Variants in SLCO6A1 observed in about 807,000 individuals in gnomAD.
SLCO6A1 encodes the protein cancer/testis antigen 48.
SLCO6A1 carries 65 observed loss-of-function variants against 72.7 expected under a neutral mutation model. The observed-to-expected ratio is 0.89, with a 90% CI of 0.73 to 1.10. The LOEUF (loss-of-function observed/expected upper bound fraction) is 1.10, where lower values mean the gene tolerates loss of function less well. Among genes scored for constraint, SLCO6A1 ranks in the 50% least tolerant of loss-of-function variants. The pLI is 0.00. For missense variants in SLCO6A1, 874 were observed against 872.6 expected, an observed-to-expected ratio of 1.00 and a Z score of -0.02; for synonymous variants, 314 against 298.2, an observed-to-expected ratio of 1.05 and a Z score of -0.55.
intron 5 of SLCO6A1, 122 bp from the exon 6 acceptor site, chr5:102,458,613 A>G: frequency 1.6e-6 from 1 of 619,204 alleles, no homozygotes; most frequent in Non-Finnish European, 2.8e-6. Context: ...GTTATTTTTG[A>G]ACAAGCTAAA....
chr5:102,442,922 G>A (rs1042703914), intron 6 of SLCO6A1, among the ~76,000 whole-genome samples: 2 of 152,152 alleles, frequency 1.3e-5, no homozygotes, highest in Admixed American at 6.6e-5. Context: ...ATTAGGCTGG[G>A]TGCAGTGGCT....
At chr5:102,373,188 G>T in intron 13 of SLCO6A1, 149 bp downstream of exon 13, 1 of 380,244 alleles carries the variant, frequency 2.6e-6, no homozygotes, top group Non-Finnish European at 4.0e-6. Context: ...TTTAAACACA[G>T]ACTATATTAT....
chr5:102,406,449 C>T (rs932695870), intron 9 of SLCO6A1, among the ~76,000 whole-genome samples: 1 of 151,830 alleles, frequency 6.6e-6, no homozygotes, highest in Non-Finnish European at 1.5e-5. Context: ...GGCATATACA[C>T]GTTAATACAC....
chr5:102,417,551 A>T (rs1348140805), intron 8 of SLCO6A1, among the ~76,000 whole-genome samples: 2 of 152,106 alleles, frequency 1.3e-5, no homozygotes, highest in Non-Finnish European at 2.9e-5. Context: ...TTTTAACTTA[A>T]CACAGTCTAC....
At chr5:102,374,705 T>C (rs934973240) in intron 12 of SLCO6A1, among the ~76,000 whole-genome samples, 1 of 152,230 alleles carries the variant, frequency 6.6e-6, no homozygotes, top group Non-Finnish European at 1.5e-5. Context: ...GGTAGTTATA[T>C]CTGACATAGT....
At chr5:102,434,726 G>A (rs1454373279) in intron 7 of SLCO6A1, among the ~76,000 whole-genome samples, 1 of 152,084 alleles carries the variant, frequency 6.6e-6, no homozygotes, top group Non-Finnish European at 1.5e-5. Flanking sequence ...AAGTACCATA[G>A]GTCTTATCAA....
At position 102,387,339 on chromosome 5, in the gene SLCO6A1, C is replaced by T. The variant is rs190713465; in HGVS notation, c.2017+1349G>A. On this transcript the variant is annotated intron_variant, in intron 12 of 13. Transcript: ENST00000506729. ...ATAATTATTTATGTTTTTAATTATT[C>T]GTATCTCCTTTCAATAGCTCCCTAC... Among the ~76,000 whole-genome samples the T allele has an allele frequency of 2.8e-3, 422 of 152,190 alleles. 2 individuals carry two copies. Among genetic ancestry groups the T allele is most frequent in the African/African-American group, 9.8e-3 (405 of 41,524 alleles).
rs1750918955 is a variant in SLCO6A1, at chr5:102,459,651, G to C, written c.1021+5C>G. ...CCAATTTAATAAATTACATTTTATAGTCACCTGGCATATTGTTTGGAAAGC... is the reference window on the plus strand; with the variant it reads ...CCAATTTAATAAATTACATTTTATACTCACCTGGCATATTGTTTGGAAAGC... On this transcript the variant is annotated splice_donor_5th_base_variant and intron_variant, in intron 5 of 13. Transcript: ENST00000506729. 1.3e-6 allele frequency: 2 copies of C among 1,576,002 alleles called. No individual in the cohort carries two copies. Among genetic ancestry groups the C allele is most frequent in the Non-Finnish European group, 1.7e-6 (2 of 1,168,578 alleles).
chr5:102,391,140 T>A, intron 10 of SLCO6A1, 95 bp from the exon 11 acceptor site: 1 of 1,202,382 alleles, frequency 8.3e-7, no homozygotes, highest in Admixed American at 1.8e-5. Context: ...TTTTTTCTGG[T>A]GCATCAATTG....
intron 6 of SLCO6A1, among the ~76,000 whole-genome samples, chr5:102,441,358 A>C (rs1234514520): frequency 1.3e-5 from 2 of 152,134 alleles, no homozygotes; most frequent in African/African-American, 4.8e-5. Context: ...TGACTCTTTT[A>C]TTACATAGCA....
chr5:102,423,527 G>A (rs1364073668), intron 7 of SLCO6A1, among the ~76,000 whole-genome samples: 4 of 152,092 alleles, frequency 2.6e-5, no homozygotes, highest in Non-Finnish European at 4.4e-5. Flanking sequence ...AAAAGCCAAA[G>A]AAGGGCATTA....
intron 9 of SLCO6A1, among the ~76,000 whole-genome samples, chr5:102,406,274 A>C (rs1181443036): frequency 6.6e-6 from 1 of 152,136 alleles, no homozygotes; most frequent in Non-Finnish European, 1.5e-5. Flanking sequence ...AAAAGGATAG[A>C]AATAAAATAC....
intron 12 of SLCO6A1, among the ~76,000 whole-genome samples, chr5:102,380,477 C>A (rs1419984005): frequency 6.6e-6 from 1 of 152,008 alleles, no homozygotes; most frequent in Non-Finnish European, 1.5e-5. Flanking sequence ...AATGTCACAG[C>A]CTTTTCCCCA....
In SLCO6A1 at chr5:102,373,410, A is replaced by C; in HGVS notation, c.2102T>G (p.Phe701Cys). The C allele has an allele frequency of 1.3e-6, 2 of 1,583,826 alleles. No individual in the cohort carries two copies. The highest frequency in any genetic ancestry group is 1.7e-6 in the Non-Finnish European group (2 of 1,167,378). The stretch of plus-strand genomic sequence containing the variant: ...TGGATTCTTCACAGTTACATCTGGG[A>C]AGTCAGTGTTCTCATTTAGACGACG... ...YKRRLNENTD[F>C]PDVTVKNPKV... Residue 701 changes from phenylalanine (F) to cysteine (C), a missense_variant, in exon 13 of 14, where the codon TTC becomes TGC. Phe to Cys is a radical substitution (Grantham distance 205). Transcript: ENST00000506729.
chr5:102,433,054 A>T (rs1422081253), intron 7 of SLCO6A1, among the ~76,000 whole-genome samples: 1 of 152,034 alleles, frequency 6.6e-6, no homozygotes, highest in Non-Finnish European at 1.5e-5. Context: ...CTTCAGCTTG[A>T]TCTATCCTGC....
At chr5:102,413,765 ACACT>A (rs1178710487) in intron 8 of SLCO6A1, among the ~76,000 whole-genome samples, 3 of 152,232 alleles carry the variant, frequency 2.0e-5, no homozygotes, top group African/African-American at 7.2e-5. Context: ...CTCCTCACCA[ACACT>A]TGGTATGGTC....
chr5:102,449,392 AT>A (rs60760058), intron 6 of SLCO6A1, among the ~76,000 whole-genome samples: 23 of 148,090 alleles, frequency 1.6e-4, no homozygotes, highest in Middle Eastern at 3.5e-3. Flanking sequence ...GAATTTCCTG[AT>A]TTTTTTTTTT....
intron 1 of SLCO6A1, among the ~76,000 whole-genome samples, chr5:102,481,759 A>T (rs1317941639): frequency 1.3e-5 from 2 of 152,206 alleles, no homozygotes; most frequent in Non-Finnish European, 2.9e-5. Flanking sequence ...TCTCCCAAAA[A>T]AGAGAGGTAC....
At chr5:102,382,849 C>A (rs968925346) in intron 12 of SLCO6A1, among the ~76,000 whole-genome samples, 2 of 150,682 alleles carry the variant, frequency 1.3e-5, no homozygotes, top group Admixed American at 6.6e-5. Context: ...TTACTGAAAT[C>A]ACTTACTAGT....
Sources: gnomAD v4.1 joint callset for allele counts (sites outside exome capture counted in the v4.1 genomes callset) on GRCh38, gnomAD v4.1.1 for gene constraint, MANE v1.5 for transcripts, NCBI Gene and HGNC (gene_info 2026-07-23, HGNC 2026-07-21) for gene names.